Variants in PDE5A observed in about 807,000 individuals in gnomAD.
PDE5A encodes phosphodiesterase 5A.
Under a neutral mutation model 110.2 loss-of-function variants are expected in PDE5A, and 67 were observed. The ratio of observed to expected loss-of-function variants is 0.61; its 90% CI spans 0.50 to 0.75. The LOEUF is 0.75. Among genes scored for constraint, PDE5A ranks in the 30% least tolerant of loss-of-function variants. The probability of loss-of-function intolerance (pLI) is 0.00; values close to 1 mark genes in which losing one functional copy is unlikely to be tolerated. For missense variants in PDE5A, 862 were observed against 1,045.1 expected (o/e 0.82, Z 2.42); for synonymous variants, 328 against 351.2 (o/e 0.93, Z 0.74).
chr4:119,567,167 A>G lies in PDE5A; in HGVS notation c.832-23T>C, dbSNP rs754620868. The stretch of plus-strand genomic sequence containing the variant: ...AACCTGGTATAAGGAGAGAAAAGCG[A>G]CAATTTTTTTATTGACTGAAATTAC... On this transcript the variant is annotated intron_variant, in intron 3 of 20. Coordinates refer to ENST00000354960, the MANE Select transcript of PDE5A (RefSeq NM_001083.4). 3 of 1,569,778 alleles carry G rather than the reference A, an allele frequency of 1.9e-6. No homozygotes were observed. In the Admixed American group the frequency reaches 5.1e-5, roughly 27 times the overall value.
rs1204807039 is a variant in PDE5A, at chr4:119,519,153, G to A, written c.1906-14C>T. On this transcript the variant is annotated splice_polypyrimidine_tract_variant and intron_variant, in intron 13 of 20. Transcript: ENST00000354960. ...AGTCAGCTTGTTCTGCATGACCAAA[G>A]ACATTGGAGGAAAGAGAGAACAAAT... 1 of 1,578,650 alleles carries A rather than the reference G, an allele frequency of 6.3e-7. No individual in the cohort carries two copies. Among genetic ancestry groups the A allele is most frequent in the East Asian group, 2.2e-5 (1 of 44,650 alleles).
chr4:119,499,043 T>TA (rs567535136), intron 20 of PDE5A, among the ~76,000 whole-genome samples: 4 of 152,234 alleles, frequency 2.6e-5, no homozygotes, highest in Non-Finnish European at 4.4e-5. Flanking sequence ...TGTTTCTATG[T>TA]AGTACAGTTG....
At chr4:119,510,570 A>G (rs1370862861) in intron 15 of PDE5A, among the ~76,000 whole-genome samples, 2 of 152,084 alleles carry the variant, frequency 1.3e-5, no homozygotes, top group Admixed American at 1.3e-4. Flanking sequence ...TATGTTTAGC[A>G]TAGCATAGCA....
At chr4:119,537,780 T>A (rs1362501706) in intron 11 of PDE5A, among the ~76,000 whole-genome samples, 2 of 151,678 alleles carry the variant, frequency 1.3e-5, no homozygotes, top group Non-Finnish European at 2.9e-5. Context: ...AAACTTACCT[T>A]GTCCTAAATC....
intron 11 of PDE5A, among the ~76,000 whole-genome samples, chr4:119,529,646 C>G (rs1726462778): frequency 6.6e-6 from 1 of 152,134 alleles, no homozygotes; most frequent in African/African-American, 2.4e-5. Flanking sequence ...TGAGCCAGAA[C>G]AGCAATTTTG....
At chr4:119,557,619 A>T (rs1727587709) in intron 7 of PDE5A, among the ~76,000 whole-genome samples, 1 of 152,208 alleles carries the variant, frequency 6.6e-6, no homozygotes, top group Non-Finnish European at 1.5e-5. Flanking sequence ...ATAATAGCTA[A>T]CACTTACTGA....
intron 11 of PDE5A, chr4:119,538,669 A>G (rs906525603): frequency 3.2e-6 from 1 of 316,870 alleles, no homozygotes; most frequent in African/African-American, 2.1e-5. Context: ...CAACCACCTC[A>G]TGGTCCCCAT....
chr4:119,618,704 G>T (rs11730798), intron 1 of PDE5A, among the ~76,000 whole-genome samples: 16,647 of 115,726 alleles, frequency 0.14, 1,072 homozygotes, highest in Non-Finnish European at 0.19. Context: ...GACAACAAAT[G>T]TAAAAAAAAT....
intron 10 of PDE5A, chr4:119,542,030 T>A (rs1362606639): frequency 6.5e-6 from 1 of 153,944 alleles, no homozygotes; most frequent in Non-Finnish European, 1.4e-5. Flanking sequence ...TCACTTCTAA[T>A]TCTCTTAAGA....
intron 8 of PDE5A, 74 bp from the exon 9 acceptor site, chr4:119,552,711 C>A: frequency 1.4e-6 from 1 of 716,668 alleles, no homozygotes; most frequent in Non-Finnish European, 2.3e-6. Flanking sequence ...GCCATATAAA[C>A]TATATGACAC....
At chr4:119,515,292 C>T (rs897360970) in intron 14 of PDE5A, among the ~76,000 whole-genome samples, 8 of 152,160 alleles carry the variant, frequency 5.3e-5, no homozygotes, top group African/African-American at 1.2e-4. Context: ...TTTTAAGTCT[C>T]TCACATCCTG....
intron 1 of PDE5A, among the ~76,000 whole-genome samples, chr4:119,612,433 C>T (rs1356277508): frequency 1.3e-5 from 2 of 152,186 alleles, no homozygotes; most frequent in Non-Finnish European, 1.5e-5. Context: ...CTTGCTATAA[C>T]TTTCTCACCA....
intron 7 of PDE5A, among the ~76,000 whole-genome samples, chr4:119,556,453 G>A (rs1302210606): frequency 6.6e-6 from 1 of 152,194 alleles, no homozygotes; most frequent in East Asian, 1.9e-4. Flanking sequence ...AAGGTGTCTT[G>A]GTCCCCAAGG....
intron 3 of PDE5A, among the ~76,000 whole-genome samples, chr4:119,593,331 GT>G (rs1385067929): frequency 1.3e-5 from 2 of 152,160 alleles, no homozygotes; most frequent in East Asian, 1.9e-4. Context: ...TAACTGAAAT[GT>G]TTATCAACTG....
chr4:119,592,733 T>C (rs1289945703), intron 3 of PDE5A, among the ~76,000 whole-genome samples: 2 of 152,166 alleles, frequency 1.3e-5, no homozygotes, highest in Non-Finnish European at 2.9e-5. Flanking sequence ...AAATTAGGTA[T>C]ACTCAATCTG....
At chr4:119,535,305 C>A (rs1048668913) in intron 11 of PDE5A, among the ~76,000 whole-genome samples, 1 of 152,084 alleles carries the variant, frequency 6.6e-6, no homozygotes, top group Non-Finnish European at 1.5e-5. Context: ...TCTATCTAAC[C>A]TAAGCTTTTA....
chr4:119,532,865 A>G (rs1425593538), intron 11 of PDE5A, among the ~76,000 whole-genome samples: 1 of 152,158 alleles, frequency 6.6e-6, no homozygotes, highest in Non-Finnish European at 1.5e-5. Flanking sequence ...AAAAAAGGTC[A>G]TACTGCTATC....
chr4:119,508,820 T>G (rs922422260), intron 15 of PDE5A, among the ~76,000 whole-genome samples: 8 of 152,170 alleles, frequency 5.3e-5, no homozygotes, highest in Admixed American at 6.6e-5. Flanking sequence ...GAGGATATAA[T>G]TTCTTGTGTA....
chr4:119,548,181 T>C (rs1727204871), intron 9 of PDE5A: 1 of 151,604 alleles, frequency 6.6e-6, no homozygotes, highest in Admixed American at 6.6e-5. Context: ...CCCGAGTAGC[T>C]GGGACTACAG....
Sources: gnomAD v4.1 joint callset for allele counts (sites outside exome capture counted in the v4.1 genomes callset) on GRCh38, gnomAD v4.1.1 for gene constraint, MANE v1.5 for transcripts, NCBI Gene and HGNC (gene_info 2026-07-23, HGNC 2026-07-21) for gene names.